FAAH2: variants seen among roughly 807,000 people sequenced by gnomAD.
FAAH2 encodes the protein fatty-acid amide hydrolase 2.
A neutral mutation model predicts 36.9 loss-of-function variants in FAAH2; 60 were observed. The ratio of observed to expected loss-of-function variants is 1.63; its 90% CI spans 1.32 to 2.02. The LOEUF (loss-of-function observed/expected upper bound fraction) is 2.02, where lower values mean the gene tolerates loss of function less well. FAAH2 is among the 30% of genes most tolerant of loss of function. FAAH2 has a pLI of 0.00. For synonymous variants in FAAH2, 214 were observed against 143.8 expected (o/e 1.49, Z -3.49); for missense variants, 689 against 397.5 (o/e 1.73, Z -6.23).
intron 7 of FAAH2, among the ~76,000 whole-genome samples, chrX:57,396,352 A>T (rs1602525147): frequency 1.1e-5 from 1 of 94,181 alleles, no homozygotes; most frequent in African/African-American, 3.9e-5. Flanking sequence ...TATTTCTTTT[A>T]TTCTGCTAGC....
At chrX:57,216,982 G>T in the FAAH2 span, among the ~76,000 whole-genome samples, 2 of 110,423 alleles carry the variant, frequency 1.8e-5, no homozygotes, top group Non-Finnish European at 3.8e-5. Context: ...TCAGGAATAA[G>T]GTGGTATCGC....
At chrX:57,205,770 G>A in the FAAH2 span, among the ~76,000 whole-genome samples, 31 of 112,121 alleles carry the variant, frequency 2.8e-4, no homozygotes, top group Middle Eastern at 4.6e-3. Context: ...AAACAGTTTC[G>A]TTTTAGGAAA....
chrX:57,168,385 T>TACAC, the FAAH2 span, among the ~76,000 whole-genome samples: 1,520 of 104,599 alleles, frequency 0.015, 12 homozygotes, highest in Middle Eastern at 0.02. Flanking sequence ...ATATGTGTGT[T>TACAC]ACACACACAC....
At chrX:57,306,916 A>AGT (rs1456691245) in intron 2 of FAAH2, among the ~76,000 whole-genome samples, 4 of 84,622 alleles carry the variant, frequency 4.7e-5, no homozygotes, top group East Asian at 3.6e-4. Flanking sequence ...AGTACTATAT[A>AGT]GTATATATAG....
chrX:57,255,403 G>C, the FAAH2 span, among the ~76,000 whole-genome samples: 2 of 111,914 alleles, frequency 1.8e-5, no homozygotes, highest in Non-Finnish European at 3.8e-5. Context: ...GAAAAAGAGG[G>C]AATCCTCCCT....
chrX:57,470,276 AC>A (rs1472728054), intron 10 of FAAH2, among the ~76,000 whole-genome samples: 3 of 111,667 alleles, frequency 2.7e-5, no homozygotes, highest in Non-Finnish European at 5.6e-5. Context: ...AGATAGAGAC[AC>A]AAAAAACCCT....
At chrX:57,486,186 A>T (rs1260064856) in intron 10 of FAAH2, among the ~76,000 whole-genome samples, 1 of 111,958 alleles carries the variant, frequency 8.9e-6, no homozygotes, top group Non-Finnish European at 1.9e-5. Context: ...TGGTGCTCTT[A>T]GGCTCGAGGA....
chrX:57,389,107 T>A (rs1393409735), intron 7 of FAAH2, among the ~76,000 whole-genome samples: 1 of 106,776 alleles, frequency 9.4e-6, no homozygotes, highest in African/African-American at 3.4e-5. Flanking sequence ...TTCAATTAGG[T>A]AGTACCAAGG....
chrX:57,201,513 T>C, the FAAH2 span, among the ~76,000 whole-genome samples: 1 of 111,865 alleles, frequency 8.9e-6, no homozygotes, highest in Non-Finnish European at 1.9e-5. Flanking sequence ...CTTGTTGCTT[T>C]CAGGATCCTT....
the FAAH2 span, among the ~76,000 whole-genome samples, chrX:57,159,989 CTTA>C: frequency 9.0e-6 from 1 of 111,627 alleles, no homozygotes; most frequent in Non-Finnish European, 1.9e-5. Flanking sequence ...ATAGATAGCT[CTTA>C]TTATTTTGAG....
the FAAH2 span, among the ~76,000 whole-genome samples, chrX:57,246,284 T>A: frequency 8.9e-6 from 1 of 111,752 alleles, no homozygotes; most frequent in Admixed American, 9.5e-5. Flanking sequence ...ACAGCCGAAT[T>A]CTACCACAGG....
At chrX:57,179,918 C>T in the FAAH2 span, among the ~76,000 whole-genome samples, 1 of 112,108 alleles carries the variant, frequency 8.9e-6, no homozygotes, top group South Asian at 3.7e-4. Flanking sequence ...TAACAACACC[C>T]TCAGATAACA....
intron 10 of FAAH2, among the ~76,000 whole-genome samples, chrX:57,457,386 G>T (rs1335685031): frequency 1.8e-5 from 2 of 110,699 alleles, no homozygotes; most frequent in African/African-American, 6.6e-5. Flanking sequence ...TTGGGAACTG[G>T]AACAAGACAA....
intron 8 of FAAH2, among the ~76,000 whole-genome samples, chrX:57,443,392 T>C (rs993116112): frequency 1.8e-5 from 2 of 112,083 alleles, no homozygotes; most frequent in African/African-American, 6.5e-5. Context: ...TCTTCCACTT[T>C]ATCAAATCGG....
the FAAH2 span, among the ~76,000 whole-genome samples, chrX:57,278,627 T>C: frequency 1.3e-5 from 1 of 77,787 alleles, no homozygotes; most frequent in Admixed American, 1.3e-4. Flanking sequence ...ATAATAATAA[T>C]AACAATAAAA....
chrX:57,394,834 G>A, intron 7 of FAAH2: 2 of 1,098,604 alleles, frequency 1.8e-6, no homozygotes, highest in Non-Finnish European at 2.5e-6. Context: ...TCTTGGAGTG[G>A]CAGGTGGTCA....
the FAAH2 span, among the ~76,000 whole-genome samples, chrX:57,178,594 A>C: frequency 1.8e-5 from 2 of 111,474 alleles, no homozygotes; most frequent in Non-Finnish European, 3.8e-5. Context: ...GCAAGTCCAC[A>C]CTCTGGCTCC....
At chrX:57,360,110 A>G (rs1160751045) in intron 5 of FAAH2, among the ~76,000 whole-genome samples, 1 of 109,002 alleles carries the variant, frequency 9.2e-6, no homozygotes, top group African/African-American at 3.3e-5. Context: ...TACCTATAAG[A>G]TTCTCTCTTT....
At chrX:57,283,265 G>A (rs770122307), upstream of FAAH2, among the ~76,000 whole-genome samples, 1 of 111,314 alleles carries the variant, frequency 9.0e-6, no homozygotes, top group Non-Finnish European at 1.9e-5. Context: ...AAGGCTTTTG[G>A]TTGTCTCTGG....
Sources: allele counts gnomAD v4.1 joint callset (sites outside exome capture counted in the v4.1 genomes callset), GRCh38; gene constraint gnomAD v4.1.1; transcripts MANE v1.5; gene names NCBI Gene and HGNC (gene_info 2026-07-23, HGNC 2026-07-21).